PGM5: variants seen among roughly 807,000 people sequenced by gnomAD.
PGM5 encodes phosphoglucomutase-like protein 5.
PGM5 carries 23 observed loss-of-function variants against 59.2 expected under a neutral mutation model. The ratio of observed to expected loss-of-function variants is 0.39; its 90% CI spans 0.28 to 0.55. The LOEUF (loss-of-function observed/expected upper bound fraction) is 0.55, where lower values mean the gene tolerates loss of function less well. Among genes scored for constraint, PGM5 ranks in the 20% least tolerant of loss-of-function variants. The pLI is 0.66. For missense variants in PGM5, 574 were observed against 748.3 expected, an observed-to-expected ratio of 0.77 and a Z score of 2.72; for synonymous variants, 214 against 286.0, an observed-to-expected ratio of 0.75 and a Z score of 2.54.
intron 6 of PGM5, among the ~76,000 whole-genome samples, chr9:68,436,284 T>C (rs1403125921): frequency 1.2e-4 from 18 of 152,186 alleles, no homozygotes; most frequent in African/African-American, 3.6e-4. Flanking sequence ...TCATGTCTTG[T>C]TTTTAATAAT....
intron 6 of PGM5, among the ~76,000 whole-genome samples, chr9:68,395,349 G>C (rs1453582650): frequency 2.6e-5 from 4 of 152,102 alleles, no homozygotes; most frequent in Non-Finnish European, 5.9e-5. Context: ...TGATTCGTAT[G>C]TAAATATTAC....
At chr9:68,365,332 A>T (rs1359592546) in intron 1 of PGM5, among the ~76,000 whole-genome samples, 1 of 148,314 alleles carries the variant, frequency 6.7e-6, no homozygotes, top group Non-Finnish European at 1.5e-5. Context: ...TAGCCTTAAG[A>T]GTCAATTTGC....
In PGM5 at chr9:68,387,603, T is replaced by C; in HGVS notation, c.697+15T>C. The C allele has an allele frequency of 6.2e-7, 1 of 1,611,180 alleles. No homozygotes were observed. Among genetic ancestry groups the C allele is most frequent in the Non-Finnish European group, 8.5e-7 (1 of 1,177,980 alleles). ...AATGCACGGAGGTAAGCTTGTGATT[T>C]TCTCCAAATCAGTGGGCAGGAAATA... On this transcript the variant is annotated intron_variant, in intron 4 of 10. Transcript: ENST00000396396.
intron 1 of PGM5, among the ~76,000 whole-genome samples, chr9:68,363,944 G>T (rs1361685892): frequency 6.6e-6 from 1 of 152,196 alleles, no homozygotes; most frequent in Admixed American, 6.5e-5. Context: ...ATATAAAGGT[G>T]TATGGTCAAC....
intron 9 of PGM5, among the ~76,000 whole-genome samples, chr9:68,488,220 T>C (rs1163062341): frequency 6.6e-6 from 1 of 152,162 alleles, no homozygotes; most frequent in Non-Finnish European, 1.5e-5. Context: ...TGGGAATTGA[T>C]TCAAACTCAT....
intron 1 of PGM5, among the ~76,000 whole-genome samples, chr9:68,372,455 G>A (rs1314957921): frequency 6.6e-6 from 1 of 151,934 alleles, no homozygotes; most frequent in African/African-American, 2.4e-5. Context: ...CTACCACCAC[G>A]TAGCTGGCTG....
chr9:68,525,181 G>A lies in PGM5; in HGVS notation c.1615-4386G>A, dbSNP rs183882898. On this transcript the variant is annotated intron_variant, in intron 10 of 10. Transcript: ENST00000396396. ...TAAAGAAAAACATGAGTAAAAACCC[G>A]GCACTGTTGACCCTCCCACATGCAC... 5.5e-3 allele frequency among the ~76,000 whole-genome samples: 837 copies of A among 152,138 alleles called. 9 individuals carry two copies. The highest frequency in any genetic ancestry group is 4.9e-3 in the Non-Finnish European group (332 of 67,992).
intron 10 of PGM5, among the ~76,000 whole-genome samples, chr9:68,521,520 C>A (rs1241277636): frequency 6.6e-6 from 1 of 152,068 alleles, no homozygotes; most frequent in Non-Finnish European, 1.5e-5. Context: ...TTCTGCTAAC[C>A]ATTTGGTAAA....
chr9:68,357,265 G>C lies in PGM5; in HGVS notation c.138G>C (p.Gln46His). 3 of 1,544,360 alleles carry C rather than the reference G, an allele frequency of 1.9e-6. No individual in the cohort carries two copies. The highest frequency in any genetic ancestry group is 1.7e-6 in the Non-Finnish European group (2 of 1,146,024). ...GCAACTACCTGCCCAACTTTATCCAGAGCGTGCTGTCGTCCATCGACCTGC... is the reference window on the plus strand; with the variant it reads ...GCAACTACCTGCCCAACTTTATCCACAGCGTGCTGTCGTCCATCGACCTGC... ...GQRNYLPNFI[Q>H]SVLSSIDLRD... The change falls in exon 1 of 11, where the codon CAG becomes CAC. Residue 46 changes from glutamine (Q) to histidine (H), a missense_variant. Coordinates refer to ENST00000396396, the MANE Select transcript of PGM5 (RefSeq NM_021965.4).
chr9:68,474,473 T>C (rs530921419), intron 7 of PGM5, among the ~76,000 whole-genome samples: 1 of 152,278 alleles, frequency 6.6e-6, no homozygotes, highest in East Asian at 1.9e-4. Context: ...AATATACTTA[T>C]TAGTGTCCTG....
At chr9:68,514,636 C>T (rs1208071079) in intron 10 of PGM5, among the ~76,000 whole-genome samples, 1 of 151,944 alleles carries the variant, frequency 6.6e-6, no homozygotes, top group African/African-American at 2.4e-5. Flanking sequence ...ACAACAACAA[C>T]AAAACTGGAG....
chr9:68,458,333 T>C (rs1823809737), intron 6 of PGM5, among the ~76,000 whole-genome samples: 1 of 152,206 alleles, frequency 6.6e-6, no homozygotes, highest in African/African-American at 2.4e-5. Flanking sequence ...GACACCTACC[T>C]AAAATGAAAG....
intron 6 of PGM5, among the ~76,000 whole-genome samples, chr9:68,442,926 C>T (rs1444011171): frequency 2.6e-5 from 4 of 152,176 alleles, no homozygotes; most frequent in Non-Finnish European, 5.9e-5. Context: ...GGATGCATAT[C>T]ATCTAGAGCT....
chr9:68,417,056 G>T (rs1823044535), intron 6 of PGM5, among the ~76,000 whole-genome samples: 1 of 152,214 alleles, frequency 6.6e-6, no homozygotes, highest in African/African-American at 2.4e-5. Context: ...AGACTGGCCA[G>T]CCTATGTTCA....
chr9:68,429,562 C>T (rs782331067), intron 6 of PGM5, among the ~76,000 whole-genome samples: 6 of 152,154 alleles, frequency 3.9e-5, no homozygotes, highest in African/African-American at 4.8e-5. Flanking sequence ...GACAGAAACT[C>T]CCCACCTGAC....
chr9:68,438,279 ACT>A (rs1383193573), intron 6 of PGM5, among the ~76,000 whole-genome samples: 1 of 124,906 alleles, frequency 8.0e-6, no homozygotes, highest in African/African-American at 3.3e-5. Flanking sequence ...ACAGAGGGAG[ACT>A]CTGTCAAAAA....
rs547098049 is a variant in PGM5 at position 68,458,100 on chromosome 9, T to C, written c.1044-6993T>C. Among the ~76,000 whole-genome samples the C allele has an allele frequency of 3.9e-5, 6 of 152,344 alleles. No homozygotes were observed. In the South Asian group the frequency reaches 8.3e-4, roughly 21 times the overall value. ...CATCAAGGCTGTAAACACAGACAGT[T>C]GTTAATTCCCCAGATGTAGGGGTCC... On this transcript the variant is annotated intron_variant, in intron 6 of 10. Transcript: ENST00000396396.
chr9:68,427,895 C>A (rs1554682787), intron 6 of PGM5, among the ~76,000 whole-genome samples: 2 of 152,106 alleles, frequency 1.3e-5, no homozygotes. Context: ...TGTTATTGTT[C>A]TCTGTGGAAA....
intron 6 of PGM5, among the ~76,000 whole-genome samples, chr9:68,459,336 C>T (rs1461311937): frequency 3.3e-5 from 5 of 152,176 alleles, no homozygotes; most frequent in African/African-American, 1.2e-4. Context: ...CTGAAGCTTC[C>T]TTGTTCCCCA....
Sources: allele counts gnomAD v4.1 joint callset (sites outside exome capture counted in the v4.1 genomes callset), GRCh38; gene constraint gnomAD v4.1.1; transcripts MANE v1.5; gene names NCBI Gene and HGNC (gene_info 2026-07-23, HGNC 2026-07-21).